The following NAA60 variants were observed in gnomAD, a reference collection of about 807,000 sequenced individuals.
The protein encoded by NAA60 is N-alpha-acetyltransferase 60, NatF catalytic subunit.
NAA60 carries 8 observed loss-of-function variants against 26.1 expected under a neutral mutation model. The ratio of observed to expected loss-of-function variants is 0.31; its 90% CI spans 0.18 to 0.55. NAA60 has a LOEUF of 0.55. Ranked by LOEUF, NAA60 falls within the 20% of genes least tolerant of loss-of-function variation. The pLI, the probability that NAA60 is intolerant of heterozygous loss-of-function variation, is 0.93. For synonymous variants in NAA60, 131 were observed against 122.5 expected, an observed-to-expected ratio of 1.07 and a Z score of -0.46; for missense variants, 290 against 311.3, an observed-to-expected ratio of 0.93 and a Z score of 0.51.
intron 2 of NAA60, chr16:3,462,640 C>T (rs1401878975): frequency 1.3e-5 from 2 of 152,082 alleles, no homozygotes; most frequent in Non-Finnish European, 2.9e-5. Flanking sequence ...TGAACATAAC[C>T]TGTACATCCC....
chr16:3,458,264 G>A (rs1411541388), intron 2 of NAA60: 1 of 871,958 alleles, frequency 1.1e-6, no homozygotes. Flanking sequence ...GGCCGCGCCG[G>A]GGTCAGGGGG....
intron 4 of NAA60, among the ~76,000 whole-genome samples, chr16:3,480,289 G>T (rs942784287): frequency 6.6e-6 from 1 of 152,132 alleles, no homozygotes; most frequent in Non-Finnish European, 1.5e-5. Context: ...TTGGCTTGAG[G>T]TTATTTCTTT....
intron 2 of NAA60, 122 bp from the exon 3 acceptor site, chr16:3,476,100 C>A: frequency 1.5e-6 from 1 of 680,588 alleles, no homozygotes; most frequent in Non-Finnish European, 2.5e-6. Context: ...CCTCTGAGTG[C>A]TGGCTGAGGG....
At chr16:3,446,174 A>T (rs2034542638) in intron 1 of NAA60, among the ~76,000 whole-genome samples, 1 of 152,200 alleles carries the variant, frequency 6.6e-6, no homozygotes, top group South Asian at 2.1e-4. Flanking sequence ...GCTTTCTCTG[A>T]AAATTATCTT....
chr16:3,478,028 G>C (rs2036590764), intron 3 of NAA60, among the ~76,000 whole-genome samples: 1 of 150,818 alleles, frequency 6.6e-6, no homozygotes, highest in South Asian at 2.1e-4. Flanking sequence ...TTGTGGCACT[G>C]CACCCCAACC....
chr16:3,466,250 G>A (rs2035753594), intron 2 of NAA60, among the ~76,000 whole-genome samples: 2 of 152,234 alleles, frequency 1.3e-5, no homozygotes, highest in South Asian at 4.1e-4. Flanking sequence ...CGAGTTGTAT[G>A]CGGCCACTCT....
At chr16:3,464,177 C>G (rs1474641350) in intron 2 of NAA60, among the ~76,000 whole-genome samples, 1 of 152,064 alleles carries the variant, frequency 6.6e-6, no homozygotes, top group Non-Finnish European at 1.5e-5. Context: ...GGGATTACAG[C>G]CACCATGCCT....
At chr16:3,446,639 G>T (rs1313794013) in intron 1 of NAA60, among the ~76,000 whole-genome samples, 2 of 141,960 alleles carry the variant, frequency 1.4e-5, no homozygotes, top group African/African-American at 5.2e-5. Context: ...TTTTGAGACA[G>T]TCTCACTGTT....
rs915496650 is a variant in NAA60, at chr16:3,457,120, T to C, written c.-7+8580T>C. On this transcript the variant is annotated intron_variant, in intron 2 of 7. Transcript: ENST00000407558. The stretch of plus-strand genomic sequence containing the variant: ...ACTCGAATCTTATAACCAGTTCTCT[T>C]CAAATTGGATTCTGGAAAGCTCGGA... 1.2e-4 allele frequency among the ~76,000 whole-genome samples: 18 copies of C among 152,240 alleles called. 1 individual carries two copies. The highest frequency in any genetic ancestry group is 4.3e-4 in the African/African-American group (18 of 41,538).
chr16:3,475,193 G>A (rs1006196918), intron 2 of NAA60, among the ~76,000 whole-genome samples: 2 of 151,218 alleles, frequency 1.3e-5, no homozygotes, highest in South Asian at 2.1e-4. Context: ...GGGTTCAAGC[G>A]ATTCTCCTGC....
At chr16:3,463,093 T>C (rs2035515569) in intron 2 of NAA60, among the ~76,000 whole-genome samples, 1 of 152,108 alleles carries the variant, frequency 6.6e-6, no homozygotes, top group Non-Finnish European at 1.5e-5. Context: ...CCGGGATGAG[T>C]GCACAAAACA....
At position 3,484,973 on chromosome 16, in the gene NAA60, G is replaced by A. The variant is rs767586748; in HGVS notation, c.*118G>A. 263 of 1,529,448 alleles carry A rather than the reference G, an allele frequency of 1.7e-4. No individual in the cohort carries two copies. The highest frequency in any genetic ancestry group is 5.5e-4 in the South Asian group (46 of 83,882). The allele number at this position is 1,529,448 out of a possible 1,614,324, so 94.7% of individuals were successfully genotyped here. ...AGCTGCCAGCCATCTAACTGGGCTCGTCGGCCTGCCCCAGCTGCAGGCCCG... is the reference window on the plus strand; with the variant it reads ...AGCTGCCAGCCATCTAACTGGGCTCATCGGCCTGCCCCAGCTGCAGGCCCG... On this transcript the variant is annotated 3_prime_UTR_variant, in exon 7 of 8. Coordinates refer to ENST00000407558, the MANE Select transcript of NAA60 (RefSeq NM_001083601.3).
At chr16:3,455,555 C>T (rs1449225033) in intron 2 of NAA60, among the ~76,000 whole-genome samples, 10 of 151,272 alleles carry the variant, frequency 6.6e-5, no homozygotes, top group African/African-American at 2.2e-4. Flanking sequence ...CCACCACGCC[C>T]GGCTAATTTT....
At chr16:3,476,380 T>A in intron 3 of NAA60, 43 bp downstream of exon 3, 1 of 1,547,570 alleles carries the variant, frequency 6.5e-7, no homozygotes, top group Non-Finnish European at 8.9e-7. Flanking sequence ...CCCGTGAGCC[T>A]CAGGTGCAGA....
intron 2 of NAA60, chr16:3,458,092 G>C: frequency 3.0e-6 from 3 of 985,316 alleles, no homozygotes; most frequent in Non-Finnish European, 3.6e-6. Flanking sequence ...CTCGTTGCGG[G>C]CTCCGCGCGG....
chr16:3,466,117 C>T (rs953080613), intron 2 of NAA60, among the ~76,000 whole-genome samples: 3 of 152,342 alleles, frequency 2.0e-5, no homozygotes, highest in South Asian at 4.1e-4. Context: ...ATCGCCATCG[C>T]GCTTCTCAGC....
chr16:3,470,779 T>A (rs749607832), intron 2 of NAA60, among the ~76,000 whole-genome samples: 6 of 152,250 alleles, frequency 3.9e-5, no homozygotes, highest in East Asian at 3.9e-4. Context: ...TCCCCCTCAC[T>A]GCCTCCGCAG....
rs146529662 is a variant in NAA60, at chr16:3,452,011, C to A, written c.-7+3471C>A. ...GGTCAGATCACTTGCACCAGGAGTTCGAGACCAGCCTGGGCAATATAGTGA... is the reference window on the plus strand; with the variant it reads ...GGTCAGATCACTTGCACCAGGAGTTAGAGACCAGCCTGGGCAATATAGTGA... On this transcript the variant is annotated intron_variant, in intron 2 of 7. Coordinates refer to ENST00000407558, the MANE Select transcript of NAA60 (RefSeq NM_001083601.3). 4.0e-3 allele frequency among the ~76,000 whole-genome samples: 595 copies of A among 148,604 alleles called. 7 individuals are homozygous for A. The highest frequency in any genetic ancestry group is 0.014 in the African/African-American group (572 of 40,268).
intron 4 of NAA60, 45 bp from the exon 5 acceptor site, chr16:3,482,457 G>A: frequency 6.8e-7 from 1 of 1,480,692 alleles, no homozygotes; most frequent in Non-Finnish European, 9.3e-7. Flanking sequence ...AGTGAGCCGT[G>A]CACCAGACGT....
Sources: gnomAD v4.1 joint callset for allele counts (sites outside exome capture counted in the v4.1 genomes callset) on GRCh38, gnomAD v4.1.1 for gene constraint, MANE v1.5 for transcripts, NCBI Gene and HGNC (gene_info 2026-07-23, HGNC 2026-07-21) for gene names.